Variants in AP2A1 observed in about 807,000 individuals in gnomAD.
AP2A1 encodes adaptor related protein complex 2 subunit alpha 1.
AP2A1 carries 21 observed loss-of-function variants against 107.3 expected under a neutral mutation model. The ratio of observed to expected loss-of-function variants is 0.20; its 90% CI spans 0.14 to 0.28. The LOEUF (loss-of-function observed/expected upper bound fraction) is 0.28. Ranked by LOEUF, AP2A1 falls within the 10% of genes least tolerant of loss-of-function variation. AP2A1 has a pLI of 1.00. For missense variants in AP2A1, 873 were observed against 1,307.7 expected, an observed-to-expected ratio of 0.67 and a Z score of 5.13; for synonymous variants, 602 against 564.8, an observed-to-expected ratio of 1.07 and a Z score of -0.93.
intron 5 of AP2A1, among the ~76,000 whole-genome samples, chr19:49,792,322 A>G (rs1421754739): frequency 9.9e-6 from 1 of 101,308 alleles, no homozygotes; most frequent in South Asian, 3.7e-4. Context: ...CCGGATACCC[A>G]GGGCTCCCAC....
At chr19:49,784,109 G>A (rs1183041301) in intron 4 of AP2A1, among the ~76,000 whole-genome samples, 1 of 152,184 alleles carries the variant, frequency 6.6e-6, no homozygotes, top group East Asian at 1.9e-4. Flanking sequence ...CATGACACAA[G>A]ACACCATGAG....
intron 4 of AP2A1, among the ~76,000 whole-genome samples, chr19:49,787,347 G>GTTTTTTTTTTTTTTTT (rs199550216): frequency 1.0e-5 from 1 of 96,182 alleles, no homozygotes; most frequent in Non-Finnish European, 2.0e-5. Flanking sequence ...TGTTTTTTTT[G>GTTTTTTTTTTTTTTTT]TTTTTTGTTT....
Position 49,806,922 on chromosome 19 carries a change from T to C in AP2A1, c.*164T>C. 1 of 1,535,660 alleles carries C rather than the reference T, an allele frequency of 6.5e-7. No homozygotes were observed. The highest frequency in any genetic ancestry group is 8.7e-7 in the Non-Finnish European group (1 of 1,146,952). ...TTTTGTATTTTTATTTTTGTTCATC[T>C]GCTGCTGTTTACATTCTGGGGGGTT... On this transcript the variant is annotated 3_prime_UTR_variant, in exon 23 of 23. Transcript: ENST00000354293.
At position 49,801,846 on chromosome 19, in the gene AP2A1, G is replaced by T. The variant is rs746939772; in HGVS notation, c.1910G>T (p.Ser637Ile). The change falls in exon 14 of 23, where the codon AGC becomes ATC. Residue 637 changes from serine to isoleucine, a missense_variant. Ser to Ile is a moderately radical substitution (Grantham distance 142). Transcript: ENST00000354293. ...GACGATGGCCGGAGGGACCCCAGCA[G>T]CAACGACATCAACGGGGGCATGGAG... ...ALDDGRRDPS[S>I]NDINGGMEPT... The T allele has an allele frequency of 2.6e-6, 4 of 1,512,302 alleles. No homozygotes were observed. The South Asian group carries it at 5.3e-5, about 20-fold the overall frequency. 93.7% of individuals were successfully genotyped at this position (1,512,302 alleles called of 1,614,324 possible).
intron 1 of AP2A1, among the ~76,000 whole-genome samples, chr19:49,772,644 C>T (rs536548687): frequency 2.4e-4 from 36 of 151,886 alleles, no homozygotes; most frequent in African/African-American, 8.4e-4. Context: ...TACAGGCGCC[C>T]GCCAACACGC....
In AP2A1 at chr19:49,785,606, C is replaced by T. The variant is rs1251824154; in HGVS notation, c.473+2882C>T. Reference sequence around the variant, plus strand: ...AGAGAGATCTGAGAGAGATCGGCACCGTCCAATAAAAATATAATGCAAAAT... The same window carrying T: ...AGAGAGATCTGAGAGAGATCGGCACTGTCCAATAAAAATATAATGCAAAAT... On this transcript the variant is annotated intron_variant, in intron 4 of 22. Transcript: ENST00000354293. This position sits in a 1 kb window ranked among gnomAD's most constrained non-coding sequence, Gnocchi z 4.1. 4.6e-5 allele frequency among the ~76,000 whole-genome samples: 7 copies of T among 151,756 alleles called. No homozygotes were observed. Among genetic ancestry groups the T allele is most frequent in the Admixed American group, 1.3e-4 (2 of 15,202 alleles).
At chr19:49,784,055 G>A (rs1413785319) in intron 4 of AP2A1, among the ~76,000 whole-genome samples, 1 of 152,178 alleles carries the variant, frequency 6.6e-6, no homozygotes, top group Non-Finnish European at 1.5e-5. Context: ...CACAGATAAA[G>A]CTCCAAATGA....
intron 1 of AP2A1, among the ~76,000 whole-genome samples, chr19:49,771,265 C>T (rs530654153): frequency 2.2e-3 from 297 of 133,864 alleles, no homozygotes; most frequent in African/African-American, 7.8e-3. Flanking sequence ...CCCAGGAGTT[C>T]GAATCCAGCC....
At chr19:49,802,777 C>T in intron 15 of AP2A1, 172 bp from the exon 16 acceptor site, 1 of 1,009,062 alleles carries the variant, frequency 9.9e-7, no homozygotes, top group Non-Finnish European at 1.4e-6. Context: ...GGGTTCTATT[C>T]CCATTGGAGG....
intron 1 of AP2A1, among the ~76,000 whole-genome samples, chr19:49,779,936 T>C (rs1372621289): frequency 1.3e-5 from 2 of 152,192 alleles, no homozygotes; most frequent in East Asian, 1.9e-4. Context: ...GAGGAGGTGA[T>C]ACCTGAAGTG....
intron 4 of AP2A1, among the ~76,000 whole-genome samples, chr19:49,789,181 C>G (rs929852927): frequency 6.6e-6 from 1 of 152,198 alleles, no homozygotes; most frequent in Non-Finnish European, 1.5e-5. Context: ...CTTTTGCTGT[C>G]TGTTGGGTGC....
At chr19:49,772,923 C>T (rs1381105177) in intron 1 of AP2A1, among the ~76,000 whole-genome samples, 3 of 151,770 alleles carry the variant, frequency 2.0e-5, no homozygotes, top group Non-Finnish European at 2.9e-5. Flanking sequence ...AGGCTAGGTC[C>T]GTGTTTGTCC....
At position 49,805,483 on chromosome 19, in the gene AP2A1, C is replaced by G; in HGVS notation, c.2375C>G (p.Ala792Gly). ...GCTGTGCAGACCAAGCGCGTGGCGG[C>G]GCAGGTGGACGGCGGCGCGCAGGTG... ...QLAVQTKRVAAQVDGGAQVQQ... is the reference protein window; with the variant it reads ...QLAVQTKRVAGQVDGGAQVQQ... Residue 792 changes from alanine to glycine, a missense_variant, in exon 19 of 23, where the codon GCG (alanine) becomes GGG (glycine). Ala to Gly is a moderately conservative substitution (Grantham distance 60, BLOSUM62 0). Transcript: ENST00000354293. 1 of 1,552,290 alleles carries G rather than the reference C, an allele frequency of 6.4e-7. No homozygotes were observed. The highest frequency in any genetic ancestry group is 8.7e-7 in the Non-Finnish European group (1 of 1,148,122).
chr19:49,801,981 T>G lies in AP2A1; in HGVS notation c.1954T>G (p.Ser652Ala). The change falls in exon 15 of 23, where the codon TCG becomes GCG. Residue 652 changes from serine (S) to alanine (A), a missense_variant and splice_region_variant. Transcript: ENST00000354293. ...GGMEPTPSTV[S>A]TPSPSADLLG... Reference sequence around the variant, plus strand: ...TCACCGTGACCTGCGCTTCCTACAGTCGACGCCCTCGCCCTCCGCCGACCT... The same window carrying G: ...TCACCGTGACCTGCGCTTCCTACAGGCGACGCCCTCGCCCTCCGCCGACCT... The G allele has an allele frequency of 1.3e-6, 2 of 1,502,604 alleles. No homozygotes were observed. The highest frequency in any genetic ancestry group is 1.8e-6 in the Non-Finnish European group (2 of 1,130,522). The allele number at this position is 1,502,604 out of a possible 1,614,324, so 93.1% of individuals were successfully genotyped here. A position where few individuals can be genotyped will look rare whatever the true frequency, so the allele number is the denominator to read the frequency against.
chr19:49,802,383 C>A, intron 15 of AP2A1: 1 of 930,634 alleles, frequency 1.1e-6, no homozygotes, highest in South Asian at 1.4e-5. Flanking sequence ...TTCCTGTCAC[C>A]GTTTCTCAGC....
chr19:49,790,270 C>T (rs1010718695), intron 4 of AP2A1, among the ~76,000 whole-genome samples: 3 of 152,196 alleles, frequency 2.0e-5, no homozygotes, highest in Non-Finnish European at 4.4e-5. Flanking sequence ...GGCATCTTCT[C>T]TCCTGCCTGA....
intron 7 of AP2A1, chr19:49,797,008 G>T (rs1325960563): frequency 6.6e-6 from 1 of 152,216 alleles, no homozygotes; most frequent in Admixed American, 6.5e-5. Context: ...TGGCCCTGGG[G>T]ACATGTCTTC....
chr19:49,800,651 A>G (rs1453544482), intron 11 of AP2A1: 2 of 298,204 alleles, frequency 6.7e-6, no homozygotes, highest in Admixed American at 5.0e-5. Context: ...TTGTATTTTT[A>G]GTAGAGACGG....
chr19:49,803,446 T>C, intron 18 of AP2A1, 70 bp downstream of exon 18: 2 of 1,300,052 alleles, frequency 1.5e-6, no homozygotes, highest in Admixed American at 3.5e-5. Context: ...GGAAGCCGGC[T>C]GACCCAGGTC....
Sources: allele counts gnomAD v4.1 joint callset (sites outside exome capture counted in the v4.1 genomes callset), GRCh38; gene constraint gnomAD v4.1.1; non-coding constraint Gnocchi (gnomAD v3.1); transcripts MANE v1.5; gene names NCBI Gene and HGNC (gene_info 2026-07-23, HGNC 2026-07-21).